The following ASCC3 variants were observed in gnomAD, a reference collection of about 807,000 sequenced individuals.
ASCC3 encodes the protein activating signal cointegrator 1 complex subunit 3, also known as ASC-1 complex subunit P200.
A neutral mutation model predicts 256.3 loss-of-function variants in ASCC3; 158 were observed. The observed-to-expected ratio is 0.62, with a 90% CI of 0.54 to 0.70. ASCC3 has a LOEUF of 0.70. Ranked by LOEUF, ASCC3 falls within the 30% of genes least tolerant of loss-of-function variation. The pLI, the probability that ASCC3 is intolerant of heterozygous loss-of-function variation, is 0.00. For missense variants in ASCC3, 2,259 were observed against 2,626.0 expected, an observed-to-expected ratio of 0.86 and a Z score of 3.05; for synonymous variants, 948 against 883.4, an observed-to-expected ratio of 1.07 and a Z score of -1.30.
At chr6:100,722,594 G>A (rs941448789) in intron 11 of ASCC3, among the ~76,000 whole-genome samples, 3 of 151,706 alleles carry the variant, frequency 2.0e-5, no homozygotes, top group Admixed American at 6.6e-5. Flanking sequence ...ATAGCACTTA[G>A]AACTATGTAG....
chr6:100,586,292 T>C (rs1035371958), intron 36 of ASCC3, among the ~76,000 whole-genome samples: 3 of 152,054 alleles, frequency 2.0e-5, no homozygotes, highest in Non-Finnish European at 4.4e-5. Context: ...CAATGGCGGG[T>C]GACCCTTCCC....
intron 8 of ASCC3, among the ~76,000 whole-genome samples, chr6:100,798,048 C>T (rs185718169): frequency 2.5e-3 from 385 of 152,152 alleles, no homozygotes; most frequent in African/African-American, 9.0e-3. Flanking sequence ...ATGCTTTATG[C>T]TGCTGTTTTT....
intron 25 of ASCC3, among the ~76,000 whole-genome samples, chr6:100,633,853 G>C (rs1009287897): frequency 1.3e-5 from 2 of 149,834 alleles, no homozygotes; most frequent in Non-Finnish European, 3.0e-5. Context: ...CAGCAGCCTG[G>C]GCAACGAGAG....
At chr6:100,641,879 T>C (rs1775135376) in intron 24 of ASCC3, among the ~76,000 whole-genome samples, 1 of 152,104 alleles carries the variant, frequency 6.6e-6, no homozygotes, top group Non-Finnish European at 1.5e-5. Context: ...TGGATGAAGC[T>C]GGAAACCATC....
At chr6:100,839,803 T>C (rs1339593691) in intron 4 of ASCC3, among the ~76,000 whole-genome samples, 1 of 152,198 alleles carries the variant, frequency 6.6e-6, no homozygotes, top group Non-Finnish European at 1.5e-5. Flanking sequence ...TCGAGTATTA[T>C]GCTCATCTCT....
chr6:100,767,455 T>G (rs1194167740), intron 8 of ASCC3, 110 bp from the exon 9 acceptor site: 3 of 1,128,870 alleles, frequency 2.7e-6, no homozygotes, highest in Non-Finnish European at 3.9e-6. Context: ...AAGACTAATT[T>G]GTACTTTCAC....
chr6:100,598,099 G>A (rs567416286), intron 34 of ASCC3, among the ~76,000 whole-genome samples: 10 of 152,090 alleles, frequency 6.6e-5, no homozygotes, highest in Non-Finnish European at 1.2e-4. Context: ...GCTGAGGAGG[G>A]TACTGCAGGC....
chr6:100,536,438 C>T (rs1775166164), intron 37 of ASCC3, among the ~76,000 whole-genome samples: 1 of 152,100 alleles, frequency 6.6e-6, no homozygotes, highest in South Asian at 2.1e-4. Context: ...CACAGAGGGC[C>T]TAGAAGCAAA....
At chr6:100,561,938 T>C (rs372580885) in intron 36 of ASCC3, among the ~76,000 whole-genome samples, 13 of 152,106 alleles carry the variant, frequency 8.5e-5, no homozygotes, top group African/African-American at 2.9e-4. Context: ...TCTGGCAAAT[T>C]GCATTATTTT....
chr6:100,805,739 G>A, intron 5 of ASCC3, 21 bp downstream of exon 5: 1 of 1,606,734 alleles, frequency 6.2e-7, no homozygotes, highest in Non-Finnish European at 8.5e-7. Context: ...AAATTACAAT[G>A]ACCACTGCAT....
chr6:100,649,122 T>C (rs976760803), intron 20 of ASCC3, among the ~76,000 whole-genome samples: 14 of 151,822 alleles, frequency 9.2e-5, no homozygotes, highest in South Asian at 4.1e-4. Flanking sequence ...AAATCCATAA[T>C]GGCTGTTTAA....
chr6:100,725,655 C>T lies in ASCC3; in HGVS notation c.1786G>A (p.Val596Ile), dbSNP rs769773555. 3 of 1,612,626 alleles carry T rather than the reference C, an allele frequency of 1.9e-6. No homozygotes were observed. The African/African-American group carries it at 4.0e-5, about 22-fold the overall frequency. The part of the protein sequence containing the change: ...EKWDVVTRKS[V>I]GDVALSQIVR... Reference sequence around the variant, plus strand: ...ATCTGGGAAAGAGCTACATCCCCAACACTCTTTCTTGTCACTACATCCCAT... The same window carrying T: ...ATCTGGGAAAGAGCTACATCCCCAATACTCTTTCTTGTCACTACATCCCAT... The change falls in exon 11 of 42, where the codon GTT becomes ATT. Residue 596 changes from valine to isoleucine, a missense_variant. Physicochemically the swap from Val to Ile is conservative, Grantham distance 29 (BLOSUM62 3). This residue lies in a region of ASCC3 where 1,839 missense variants were observed against 2,206.7 expected (regional missense o/e 0.83). Coordinates refer to ENST00000369162, the MANE Select transcript of ASCC3 (RefSeq NM_006828.4).
chr6:100,800,129 C>CATAAG (rs777909865), intron 6 of ASCC3, among the ~76,000 whole-genome samples, 171 bp downstream of exon 6: 3 of 151,960 alleles, frequency 2.0e-5, no homozygotes, highest in Non-Finnish European at 4.4e-5. Context: ...GCAGACAGAC[C>CATAAG]ATTGCTTTCT....
intron 4 of ASCC3, among the ~76,000 whole-genome samples, chr6:100,818,125 T>C (rs1239920353): frequency 6.6e-6 from 1 of 152,116 alleles, no homozygotes; most frequent in Non-Finnish European, 1.5e-5. Context: ...CTACATCATA[T>C]CAATAGAATT....
chr6:100,865,822 G>C (rs553722457), intron 2 of ASCC3, among the ~76,000 whole-genome samples: 1 of 152,022 alleles, frequency 6.6e-6, no homozygotes, highest in Non-Finnish European at 1.5e-5. Flanking sequence ...TCAATTGATA[G>C]AGCTTCAGGC....
chr6:100,512,203 T>A (rs946882312), intron 40 of ASCC3, among the ~76,000 whole-genome samples: 4 of 152,220 alleles, frequency 2.6e-5, no homozygotes, highest in Non-Finnish European at 2.9e-5. Flanking sequence ...AAGCTTAATG[T>A]CTTATTCAAA....
At chr6:100,880,943 A>T (rs997199174) in intron 1 of ASCC3, 118 bp downstream of exon 1, 2 of 152,186 alleles carry the variant, frequency 1.3e-5, no homozygotes, top group Admixed American at 1.3e-4. Flanking sequence ...CTTGCCCCGG[A>T]GGCAGGAAGA....
At chr6:100,693,375 T>C (rs1777927422) in intron 13 of ASCC3, among the ~76,000 whole-genome samples, 1 of 151,572 alleles carries the variant, frequency 6.6e-6, no homozygotes, top group Non-Finnish European at 1.5e-5. Context: ...GTGGAAAGGC[T>C]GTGGGAAAAA....
intron 37 of ASCC3, 69 bp downstream of exon 37, chr6:100,540,093 TA>T (rs754112363): frequency 4.2e-6 from 6 of 1,425,470 alleles, no homozygotes; most frequent in Non-Finnish European, 4.9e-6. Flanking sequence ...CATTTTATCC[TA>T]AAACTAGAAA....
Sources: gnomAD v4.1 joint callset for allele counts (sites outside exome capture counted in the v4.1 genomes callset) on GRCh38, gnomAD v4.1.1 for gene constraint, gnomAD v4.1.1 regional missense constraint, MANE v1.5 for transcripts, NCBI Gene and HGNC (gene_info 2026-07-23, HGNC 2026-07-21) for gene names.